The following SLC1A6 variants were observed in gnomAD, a reference collection of about 807,000 sequenced individuals.
SLC1A6 encodes the protein excitatory amino acid transporter 4.
SLC1A6 carries 15 observed loss-of-function variants against 42.1 expected under a neutral mutation model. That is an observed-to-expected ratio of 0.36 (90% CI 0.24 to 0.55). The LOEUF is 0.55. Among genes scored for constraint, SLC1A6 ranks in the 20% least tolerant of loss-of-function variants. SLC1A6 has a pLI of 0.88. For missense variants in SLC1A6, 542 were observed against 772.5 expected, an observed-to-expected ratio of 0.70 and a Z score of 3.54; for synonymous variants, 317 against 319.7, an observed-to-expected ratio of 0.99 and a Z score of 0.09.
intron 4 of SLC1A6, among the ~76,000 whole-genome samples, chr19:14,964,977 G>A (rs1390832132): frequency 6.6e-6 from 1 of 152,054 alleles, no homozygotes; most frequent in Admixed American, 6.6e-5. Flanking sequence ...ACTGCTGGTG[G>A]GGATGTAAAT....
chr19:14,955,771 C>T (rs758588787), intron 7 of SLC1A6, among the ~76,000 whole-genome samples: 35 of 151,756 alleles, frequency 2.3e-4, no homozygotes, highest in Non-Finnish European at 4.3e-4. Context: ...CCCATCTCTA[C>T]TAAAAATACA....
At position 14,968,416 on chromosome 19, in the gene SLC1A6, G is replaced by A. The variant is rs143997354; in HGVS notation, c.435C>T (p.Ile145=). 1,328 of 1,613,712 alleles carry A rather than the reference G, an allele frequency of 8.2e-4. 3 individuals carry two copies. Among genetic ancestry groups the A allele is most frequent in the Non-Finnish European group, 1.0e-3 (1,223 of 1,179,854 alleles). Residue 145 remains isoleucine, a synonymous_variant, in exon 4 of 10, where the codon ATC becomes ATT. Transcript: ENST00000594383. ...YMVTTIIAVF[I]GILMVTIIHP... Reference sequence around the variant, plus strand: ...GGATGATGGTGACCATGAGGATGCCGATGAAGACCGCGATGATGGTGGTCA... The same window carrying A: ...GGATGATGGTGACCATGAGGATGCCAATGAAGACCGCGATGATGGTGGTCA...
At chr19:14,987,725 T>G (rs112889778) in intron 1 of SLC1A6, among the ~76,000 whole-genome samples, 3,391 of 152,170 alleles carry the variant, frequency 0.022, 142 homozygotes, top group African/African-American at 0.077. Context: ...GCCCAGCAAG[T>G]ACATCATGAG....
upstream of SLC1A6, among the ~76,000 whole-genome samples, chr19:14,984,595 G>A (rs1229027691): frequency 6.6e-6 from 1 of 152,186 alleles, no homozygotes; most frequent in East Asian, 1.9e-4. Context: ...TTGCAATGCA[G>A]AATTGGAAAC....
rs907737024 is a variant in SLC1A6, at chr19:15,002,153, G to A, written c.6+8332C>T. Among the ~76,000 whole-genome samples the A allele has an allele frequency of 3.3e-5, 5 of 151,866 alleles. 1 individual carries two copies. The South Asian group carries it at 6.2e-4, about 19-fold the overall frequency. The stretch of plus-strand genomic sequence containing the variant: ...TACCCAGGCTGGAGTGCAGTGGTGC[G>A]ATCATAGCTCACTGCAGCCTCCATC... On this transcript the variant is annotated intron_variant, in intron 1 of 8. Transcript: ENST00000430939.
chr19:14,987,467 C>CG (rs2045798322), intron 1 of SLC1A6, among the ~76,000 whole-genome samples: 1 of 147,670 alleles, frequency 6.8e-6, no homozygotes, highest in Non-Finnish European at 1.5e-5. Context: ...GACTCTGTCT[C>CG]GGAAAAAAAA....
rs374798623 is a variant in SLC1A6, at chr19:14,954,092, C to T, written c.1364+43G>A. ...ACCCTCCCAGCCAAGCTGATGACCG[C>T]TTAAGTCTCACCTGCTGGCAGGTCC... is the stretch of plus-strand genomic sequence containing the variant. On this transcript the variant is annotated intron_variant, in intron 8 of 9. Transcript: ENST00000594383. The T allele has an allele frequency of 3.9e-6, 6 of 1,521,118 alleles. No homozygotes were observed. In the African/African-American group the frequency reaches 8.2e-5, roughly 21 times the overall value. The allele number at this position is 1,521,118 out of a possible 1,614,324, so 94.2% of individuals were successfully genotyped here.
At chr19:14,998,944 C>T (rs2045860359) in intron 1 of SLC1A6, among the ~76,000 whole-genome samples, 1 of 151,932 alleles carries the variant, frequency 6.6e-6, no homozygotes, top group Admixed American at 6.6e-5. Context: ...GTGGCACTAT[C>T]TCGGCTCACT....
intron 8 of SLC1A6, 128 bp downstream of exon 8, chr19:14,954,007 C>G: frequency 1.3e-6 from 1 of 799,352 alleles, no homozygotes; most frequent in Non-Finnish European, 2.0e-6. Flanking sequence ...TTCCCACATC[C>G]CGCTTCCAAC....
At chr19:14,954,366 G>C in intron 7 of SLC1A6, 37 bp from the exon 8 acceptor site, 2 of 1,580,922 alleles carry the variant, frequency 1.3e-6, no homozygotes, top group Non-Finnish European at 1.7e-6. Context: ...ATGGGGCGTG[G>C]CCTGGTGGGG....
intron 4 of SLC1A6, 124 bp downstream of exon 4, chr19:14,968,179 C>G (rs999614178): frequency 4.5e-5 from 35 of 779,958 alleles, no homozygotes; most frequent in Non-Finnish European, 6.8e-5. Context: ...GTGCCCGTCT[C>G]TGCTCTTGAC....
At chr19:14,966,201 T>C (rs1000684808) in intron 4 of SLC1A6, among the ~76,000 whole-genome samples, 5 of 152,078 alleles carry the variant, frequency 3.3e-5, no homozygotes, top group Non-Finnish European at 5.9e-5. Flanking sequence ...AATTAAAAAA[T>C]TTTTCATAGG....
rs956745702 is a variant in SLC1A6, at chr19:14,951,353, A to C, written c.1500-963T>G. 2.6e-5 allele frequency among the ~76,000 whole-genome samples: 4 copies of C among 152,112 alleles called. No individual in the cohort carries two copies. In the South Asian group the frequency reaches 8.3e-4, roughly 31 times the overall value. ...AACTGAAAAGCACATAGAATCCGGA[A>C]TGGTAAACCAGGGCAGGCCTGAGTC... On this transcript the variant is annotated intron_variant, in intron 9 of 9. Coordinates refer to ENST00000594383, the MANE Select transcript of SLC1A6 (RefSeq NM_005071.3).
chr19:15,009,218 C>G (rs62114974), intron 1 of SLC1A6, among the ~76,000 whole-genome samples: 5 of 130,670 alleles, frequency 3.8e-5, no homozygotes, highest in Non-Finnish European at 8.6e-5. Flanking sequence ...TATAGCATAT[C>G]TATCACATAG....
chr19:15,004,798 T>C (rs75955567), intron 1 of SLC1A6, among the ~76,000 whole-genome samples: 1,990 of 152,286 alleles, frequency 0.013, 43 homozygotes, highest in African/African-American at 0.045. Context: ...TATTTGTTAG[T>C]TTAAGAGAGG....
chr19:14,972,748 G>T lies in SLC1A6; in HGVS notation c.163C>A (p.Arg55=). The T allele has an allele frequency of 6.2e-7, 1 of 1,614,016 alleles. No homozygotes were observed. The highest frequency in any genetic ancestry group is 8.5e-7 in the Non-Finnish European group (1 of 1,180,030). Residue 55 remains arginine, a synonymous_variant, in exon 2 of 10, where the codon CGA becomes AGA. Transcript: ENST00000594383. ...ACCGTCAGCAGAATGAAGGCGTTTC[G>T]GCGCAGGAAGCGCAGCACGTGCTCG... ...TLEHVLRFLR[R]NAFILLTVSA... is the part of the protein sequence containing the mutation.
intron 6 of SLC1A6, among the ~76,000 whole-genome samples, chr19:14,958,163 C>G (rs953703830): frequency 6.6e-6 from 1 of 152,086 alleles, no homozygotes; most frequent in Non-Finnish European, 1.5e-5. Context: ...GTAATCCCAG[C>G]ACTTTGGGAG....
chr19:14,956,661 C>T lies in SLC1A6; in HGVS notation c.984G>A (p.Glu328=). Residue 328 remains glutamate (E), a synonymous_variant, in exon 7 of 10, where the codon GAG becomes GAA. Transcript: ENST00000594383. ...CCCCCAGGACGGCCATGTCTTCCAT[C>T]TCCAGAATCTTCCCAGCAATCAGGA... The part of the protein sequence containing the change: ...ILFLIAGKIL[E]MEDMAVLGGQ... 1 of 1,613,916 alleles carries T rather than the reference C, an allele frequency of 6.2e-7. No individual in the cohort carries two copies. Among genetic ancestry groups the T allele is most frequent in the Non-Finnish European group, 8.5e-7 (1 of 1,179,918 alleles).
In SLC1A6 at chr19:14,979,298, A is replaced by C. The variant is rs901090706; in HGVS notation, c.-8+11T>G. The C allele has an allele frequency of 1.3e-5, 2 of 152,458 alleles. No individual in the cohort carries two copies. The highest frequency in any genetic ancestry group is 2.9e-5 in the Non-Finnish European group (2 of 68,236). 9.4% of individuals were successfully genotyped at this position (152,458 alleles called of 1,614,324 possible). A position where few individuals can be genotyped will look rare whatever the true frequency, so the allele number is the denominator to read the frequency against. On this transcript the variant is annotated intron_variant, in intron 1 of 9. Transcript: ENST00000594383. The surrounding 1 kb of genome is among the most constrained non-coding windows in gnomAD (Gnocchi z 4.2). The stretch of plus-strand genomic sequence containing the variant: ...GAGACCCGGGGATAACTAAGGGGAT[A>C]GGAAACTCACCAGAACGACCAGGAG...
Sources: gnomAD v4.1 joint callset for allele counts (sites outside exome capture counted in the v4.1 genomes callset) on GRCh38, gnomAD v4.1.1 for gene constraint, Gnocchi (gnomAD v3.1) non-coding constraint, MANE v1.5 for transcripts, NCBI Gene and HGNC (gene_info 2026-07-23, HGNC 2026-07-21) for gene names.